RANGAP1: variants seen among roughly 807,000 people sequenced by gnomAD.
The protein encoded by RANGAP1 is Ran GTPase activating protein 1.
A neutral mutation model predicts 63.5 loss-of-function variants in RANGAP1; 38 were observed. The ratio of observed to expected loss-of-function variants is 0.60; its 90% CI spans 0.46 to 0.78. RANGAP1 has a LOEUF of 0.78. Ranked by LOEUF, RANGAP1 falls within the 30% of genes least tolerant of loss-of-function variation. RANGAP1 has a pLI of 0.00. For synonymous variants in RANGAP1, 329 were observed against 310.5 expected (o/e 1.06, Z -0.63); for missense variants, 630 against 740.3 (o/e 0.85, Z 1.73).
the RANGAP1 span, among the ~76,000 whole-genome samples, chr22:41,292,357 C>T: frequency 1.3e-5 from 2 of 150,386 alleles, no homozygotes; most frequent in African/African-American, 4.9e-5. Flanking sequence ...ACCCTGTTGG[C>T]CAGGCTGATC....
chr22:41,263,081 T>C (rs2145750693), intron 5 of RANGAP1, among the ~76,000 whole-genome samples: 1 of 152,138 alleles, frequency 6.6e-6, no homozygotes, highest in East Asian at 1.9e-4. Context: ...GAACCATCAA[T>C]CAAACTCCAG....
intron 10 of RANGAP1, among the ~76,000 whole-genome samples, chr22:41,255,463 T>C (rs139507): frequency 0.37 from 55,999 of 151,368 alleles, 11,315 homozygotes; most frequent in Non-Finnish European, 0.45. Context: ...CCAGGCCCCA[T>C]GGTCTCTTCC....
intron 2 of RANGAP1, among the ~76,000 whole-genome samples, chr22:41,277,905 A>G (rs1262508434): frequency 6.6e-6 from 1 of 152,116 alleles, no homozygotes; most frequent in Non-Finnish European, 1.5e-5. Context: ...TTCCTATTCC[A>G]GATTTGCTGC....
chr22:41,256,625 C>T, intron 8 of RANGAP1, 86 bp downstream of exon 8: 1 of 1,198,548 alleles, frequency 8.3e-7, no homozygotes, highest in Non-Finnish European at 1.2e-6. Context: ...ACAGGCCCAC[C>T]TGCCTTCAGA....
At chr22:41,285,703 GT>G (rs2035719372) in intron 1 of RANGAP1, 1 of 984,076 alleles carries the variant, frequency 1.0e-6, no homozygotes. Flanking sequence ...ACCGCCTCCG[GT>G]TGACAACAAT....
At chr22:41,277,176 C>T (rs1424822727) in intron 2 of RANGAP1, among the ~76,000 whole-genome samples, 1 of 139,338 alleles carries the variant, frequency 7.2e-6, no homozygotes, top group Non-Finnish European at 1.5e-5. Context: ...CTCCCGGGTT[C>T]ACGCCATTCT....
chr22:41,273,437 G>A (rs1046820128), intron 3 of RANGAP1, among the ~76,000 whole-genome samples: 3 of 152,008 alleles, frequency 2.0e-5, no homozygotes, highest in African/African-American at 4.8e-5. Context: ...TGCCCTTTGC[G>A]TTGGCCAAAA....
At chr22:41,291,506 G>A in the RANGAP1 span, among the ~76,000 whole-genome samples, 3 of 151,108 alleles carry the variant, frequency 2.0e-5, no homozygotes, top group Non-Finnish European at 4.4e-5. Context: ...GCCTAGGCAG[G>A]AGAATCACTT....
Position 41,246,651 on chromosome 22 carries a change from G to A in RANGAP1, c.1716C>T (p.Ser572=). The A allele has an allele frequency of 2.6e-6, 4 of 1,562,118 alleles. No individual in the cohort carries two copies. The highest frequency in any genetic ancestry group is 3.5e-6 in the Non-Finnish European group (4 of 1,152,362). ...FVTKPNSALE[S]CSFARHSLLQ... ...GCAGACTGTGGCGGGCGAAGGAGCA[G>A]GATTCCAGGGCGCTGTTGGGCCTGC... The change falls in exon 16 of 16, where the codon TCC becomes TCT. Residue 572 remains serine, a synonymous_variant. Coordinates refer to ENST00000356244, the MANE Select transcript of RANGAP1 (RefSeq NM_002883.4).
intron 13 of RANGAP1, among the ~76,000 whole-genome samples, chr22:41,250,209 A>G (rs2033344291): frequency 6.6e-6 from 1 of 152,182 alleles, no homozygotes; most frequent in Admixed American, 6.5e-5. Context: ...TTCCTGGGAA[A>G]CAGAACTAGG....
chr22:41,277,140 G>T (rs1264959550), intron 2 of RANGAP1, among the ~76,000 whole-genome samples: 1 of 141,996 alleles, frequency 7.0e-6, no homozygotes. Flanking sequence ...TGCAGTGGCG[G>T]GATCTCGGCT....
rs2035214108 is a variant in RANGAP1, at chr22:41,277,303, C to T, written c.113-2576G>A. On this transcript the variant is annotated intron_variant, in intron 2 of 15. Transcript: ENST00000356244. ...CCGTTTTAGCCAGGATGGTCTCGATCTCCTGACCTCGTGATCCGCCCGCCT... is the reference window on the plus strand; with the variant it reads ...CCGTTTTAGCCAGGATGGTCTCGATTTCCTGACCTCGTGATCCGCCCGCCT... Among the ~76,000 whole-genome samples the T allele has an allele frequency of 2.0e-5, 3 of 152,144 alleles. No individual in the cohort carries two copies. In the South Asian group the frequency reaches 6.2e-4, roughly 31 times the overall value.
the RANGAP1 span, among the ~76,000 whole-genome samples, chr22:41,291,680 C>T: frequency 6.6e-6 from 1 of 150,706 alleles, no homozygotes; most frequent in Non-Finnish European, 1.5e-5. Flanking sequence ...GGGTGGATCA[C>T]GAGGTCAGGA....
rs2032978741 is a variant in RANGAP1 at position 41,245,639 on chromosome 22, A to G, written c.*964T>C. The G allele has an allele frequency of 1.3e-5, 2 of 152,266 alleles. No homozygotes were observed. Among genetic ancestry groups the G allele is most frequent in the Admixed American group, 1.3e-4 (2 of 15,286 alleles). 9.4% of individuals were successfully genotyped at this position (152,266 alleles called of 1,614,324 possible). On this transcript the variant is annotated 3_prime_UTR_variant, in exon 16 of 16. Coordinates refer to ENST00000356244, the MANE Select transcript of RANGAP1 (RefSeq NM_002883.4). The stretch of plus-strand genomic sequence containing the variant: ...AGCTGCCACACGACTTTATTTGTGA[A>G]GCCCCCGGGCACAGCCCAGACACAC...
At chr22:41,301,620 G>GGGC in the RANGAP1 span, 2 of 152,280 alleles carry the variant, frequency 1.3e-5, no homozygotes, top group African/African-American at 2.4e-5. Flanking sequence ...GGAGCTGCCG[G>GGGC]GGCGGCGGCG....
At chr22:41,279,199 A>T (rs1712111073) in intron 2 of RANGAP1, among the ~76,000 whole-genome samples, 1 of 150,886 alleles carries the variant, frequency 6.6e-6, no homozygotes, top group Non-Finnish European at 1.5e-5. Context: ...GGCCAGACAC[A>T]GTGGCTCACG....
intron 6 of RANGAP1, among the ~76,000 whole-genome samples, chr22:41,258,529 A>G (rs1293112241): frequency 6.6e-6 from 1 of 152,170 alleles, no homozygotes; most frequent in Non-Finnish European, 1.5e-5. Context: ...CCTACACAAC[A>G]TAACCCCTTC....
At chr22:41,266,973 TG>T (rs1206727255) in intron 4 of RANGAP1, among the ~76,000 whole-genome samples, 3 of 148,868 alleles carry the variant, frequency 2.0e-5, no homozygotes, top group Admixed American at 6.8e-5. Context: ...CTCCACCTCC[TG>T]GGTTCACGCA....
chr22:41,288,920 ATTTTTTTTT>A (rs10657576), upstream of RANGAP1, among the ~76,000 whole-genome samples: 1 of 111,106 alleles, frequency 9.0e-6, no homozygotes. Context: ...CTATATCCTG[ATTTTTTTTT>A]TTTTTTTTTT....
Sources: gnomAD v4.1 joint callset for allele counts (sites outside exome capture counted in the v4.1 genomes callset) on GRCh38, gnomAD v4.1.1 for gene constraint, MANE v1.5 for transcripts, NCBI Gene and HGNC (gene_info 2026-07-23, HGNC 2026-07-21) for gene names.